MROH1: variants seen among roughly 807,000 people sequenced by gnomAD.
MROH1 encodes the protein maestro heat-like repeat-containing protein family member 1.
A neutral mutation model predicts 116.5 loss-of-function variants in MROH1; 117 were observed. That is an observed-to-expected ratio of 1.00 (90% CI 0.86 to 1.17). The LOEUF (loss-of-function observed/expected upper bound fraction) is 1.17. MROH1 is among the 50% of genes most tolerant of loss of function. The pLI, the probability that MROH1 is intolerant of heterozygous loss-of-function variation, is 0.00. For missense variants in MROH1, 1,873 were observed against 1,338.5 expected (o/e 1.40, Z -6.23); for synonymous variants, 921 against 583.9 (o/e 1.58, Z -8.32).
At chr8:144,239,552 C>T (rs1840622512) in intron 17 of MROH1, 62 bp from the exon 18 acceptor site, 1 of 763,360 alleles carries the variant, frequency 1.3e-6, no homozygotes, top group Non-Finnish European at 2.4e-6. Context: ...CCTGCAGGTG[C>T]AGGTTGTGGG....
At chr8:144,188,864 A>G (rs1827872513) in intron 7 of MROH1, among the ~76,000 whole-genome samples, 3 of 152,130 alleles carry the variant, frequency 2.0e-5, no homozygotes, top group African/African-American at 7.2e-5. Context: ...GGACTAGGCC[A>G]GCCTGCACCT....
At chr8:144,235,689 G>T (rs1839927019) in intron 14 of MROH1, among the ~76,000 whole-genome samples, 1 of 152,094 alleles carries the variant, frequency 6.6e-6, no homozygotes, top group Non-Finnish European at 1.5e-5. Context: ...AATCCCACTT[G>T]GTCATGGTGT....
intron 14 of MROH1, among the ~76,000 whole-genome samples, chr8:144,231,865 G>A (rs569471439): frequency 2.6e-5 from 4 of 152,332 alleles, no homozygotes; most frequent in Non-Finnish European, 4.4e-5. Flanking sequence ...GTGAAACAAC[G>A]TCACGCCCGA....
At chr8:144,224,543 G>C (rs576648888) in intron 14 of MROH1, among the ~76,000 whole-genome samples, 4 of 152,130 alleles carry the variant, frequency 2.6e-5, no homozygotes, top group African/African-American at 7.2e-5. Context: ...TAGGATTACC[G>C]GTGTGTGCCA....
At chr8:144,204,110 T>C (rs1057047434) in intron 12 of MROH1, among the ~76,000 whole-genome samples, 8 of 152,200 alleles carry the variant, frequency 5.3e-5, no homozygotes, top group African/African-American at 1.9e-4. Flanking sequence ...TACATCTGTG[T>C]CATTTTTTGT....
At chr8:144,185,881 T>A (rs1225214339) in intron 7 of MROH1, among the ~76,000 whole-genome samples, 1 of 11,160 alleles carries the variant, frequency 9.0e-5, no homozygotes, top group Non-Finnish European at 1.7e-4. Flanking sequence ...GCAGGGACCG[T>A]GGGGGGATGG....
intron 10 of MROH1, among the ~76,000 whole-genome samples, chr8:144,197,671 G>A (rs1257149735): frequency 6.7e-6 from 1 of 149,862 alleles, no homozygotes; most frequent in Non-Finnish European, 1.5e-5. Context: ...TCTTGACCTT[G>A]GGATCCGCCC....
intron 14 of MROH1, among the ~76,000 whole-genome samples, chr8:144,237,688 G>A (rs991796554): frequency 1.5e-4 from 23 of 152,046 alleles, no homozygotes; most frequent in African/African-American, 4.6e-4. Context: ...TACATTATTC[G>A]TTTCCTGAAT....
rs1013113623 is a variant in MROH1, at chr8:144,235,641, A to G, written c.1339-3115A>G. Among the ~76,000 whole-genome samples the G allele has an allele frequency of 2.0e-5, 3 of 152,346 alleles. No individual in the cohort carries two copies. In the East Asian group the frequency reaches 5.8e-4, roughly 29 times the overall value. ...TTTTAGTGATATGGTGCATTTCATTAAGTGATTTTCAGATGTTAAACCTGC... is the reference window on the plus strand; with the variant it reads ...TTTTAGTGATATGGTGCATTTCATTGAGTGATTTTCAGATGTTAAACCTGC... On this transcript the variant is annotated intron_variant, in intron 14 of 43. Coordinates refer to ENST00000326134, the MANE Select transcript of MROH1 (RefSeq NM_032450.3).
chr8:144,184,221 C>T (rs769562061), intron 7 of MROH1, among the ~76,000 whole-genome samples: 3 of 152,190 alleles, frequency 2.0e-5, no homozygotes, highest in Non-Finnish European at 4.4e-5. Context: ...GCTGAAGTGT[C>T]CTGGGTGGGG....
intron 1 of MROH1, among the ~76,000 whole-genome samples, chr8:144,153,878 A>G (rs1817430480): frequency 6.6e-6 from 1 of 151,482 alleles, no homozygotes; most frequent in African/African-American, 2.4e-5. Flanking sequence ...CTTCTCCCTC[A>G]GCTTCCCGAG....
intron 7 of MROH1, among the ~76,000 whole-genome samples, chr8:144,184,537 A>G (rs1414632288): frequency 6.6e-6 from 1 of 152,270 alleles, no homozygotes; most frequent in East Asian, 1.9e-4. Flanking sequence ...ACAAGGACAG[A>G]GCCAGTGTGA....
At chr8:144,200,748 C>T in intron 12 of MROH1, 1 of 555,316 alleles carries the variant, frequency 1.8e-6, no homozygotes, top group Admixed American at 3.0e-5. Flanking sequence ...ATGATGGTGG[C>T]TCACACTTGC....
At position 144,259,800 on chromosome 8, in the gene MROH1, C is replaced by T. The variant is rs1018394434; in HGVS notation, c.4045-111C>T. ...GAGACCCAGGGAGTAGGTGCTCCAC[C>T]TCTGTCTGCCACACCGGCGTGGGGA... On this transcript the variant is annotated intron_variant, in intron 37 of 43. Coordinates refer to ENST00000326134, the MANE Select transcript of MROH1 (RefSeq NM_032450.3). The T allele has an allele frequency of 1.7e-4, 117 of 700,798 alleles. 1 individual carries two copies. The Middle Eastern group carries it at 3.2e-3, about 19-fold the overall frequency. The allele number at this position is 700,798 out of a possible 1,614,324, so 43.4% of individuals were successfully genotyped here.
At chr8:144,179,127 C>T (rs939104547) in intron 4 of MROH1, among the ~76,000 whole-genome samples, 1 of 151,996 alleles carries the variant, frequency 6.6e-6, no homozygotes, top group Non-Finnish European at 1.5e-5. Context: ...CAGGGGAGGG[C>T]AGGGCAAGGA....
rs1271587827 is a variant in MROH1 at position 144,239,124 on chromosome 8, G to A, written c.1536G>A (p.Ala512=). ...TCTGCAGGAGCCTCGTGCATCTGGC[G>A]CAGAAGAGGCAGGAGGCCGGGGCCG... ...TPLCRSLVHL[A]QKRQEAGADA... The change falls in exon 16 of 44, where the codon GCG becomes GCA. Residue 512 remains alanine, a synonymous_variant. Coordinates refer to ENST00000326134, the MANE Select transcript of MROH1 (RefSeq NM_032450.3). The A allele has an allele frequency of 1.3e-5, 10 of 772,874 alleles. No individual in the cohort carries two copies. Among genetic ancestry groups the A allele is most frequent in the South Asian group, 4.0e-5 (3 of 74,524 alleles). 47.9% of individuals were successfully genotyped at this position (772,874 alleles called of 1,614,324 possible).
rs145714142 is a variant in MROH1 at position 144,219,763 on chromosome 8, G to A, written c.1142-837G>A. Among the ~76,000 whole-genome samples the A allele has an allele frequency of 3.9e-3, 594 of 152,320 alleles. 2 individuals carry two copies. The highest frequency in any genetic ancestry group is 0.014 in the African/African-American group (569 of 41,574). ...TAGGGGAACATTGGCATAGAGAGCT[G>A]CAGCTGGCCTCGAAACCGACAGTGA... is the stretch of plus-strand genomic sequence containing the variant. On this transcript the variant is annotated intron_variant, in intron 12 of 43. Coordinates refer to ENST00000326134, the MANE Select transcript of MROH1 (RefSeq NM_032450.3).
intron 32 of MROH1, among the ~76,000 whole-genome samples, chr8:144,249,712 A>G (rs1233466240): frequency 1.3e-5 from 2 of 151,068 alleles, no homozygotes; most frequent in African/African-American, 2.4e-5. Context: ...GCCCCCCCCA[A>G]GTCCCATCCT....
At chr8:144,183,380 C>CAA (rs556094390) in intron 7 of MROH1, among the ~76,000 whole-genome samples, 32 of 80,858 alleles carry the variant, frequency 4.0e-4, no homozygotes, top group African/African-American at 1.2e-3. Flanking sequence ...GACTCTGTCT[C>CAA]AAAAAAAAAA....
Sources: allele counts gnomAD v4.1 joint callset (sites outside exome capture counted in the v4.1 genomes callset), GRCh38; gene constraint gnomAD v4.1.1; transcripts MANE v1.5; gene names NCBI Gene and HGNC (gene_info 2026-07-23, HGNC 2026-07-21).